The following SCRIB variants were observed in gnomAD, a reference collection of about 807,000 sequenced individuals.
SCRIB encodes the protein scribble planar cell polarity protein.
Under a neutral mutation model 170.0 loss-of-function variants are expected in SCRIB, and 72 were observed. The ratio of observed to expected loss-of-function variants is 0.42; its 90% CI spans 0.35 to 0.52. SCRIB has a LOEUF of 0.52. SCRIB is among the 20% of genes least tolerant of loss of function. The probability of loss-of-function intolerance (pLI) is 0.02; values close to 1 mark genes in which losing one functional copy is unlikely to be tolerated. For synonymous variants in SCRIB, 1,298 were observed against 1,044.3 expected (o/e 1.24, Z -4.68); for missense variants, 2,475 against 2,338.5 (o/e 1.06, Z -1.20).
rs1554632669 is a variant in SCRIB at position 143,791,655 on chromosome 8, A to C, written c.4770+11T>G. ...GGGTGGCAGGCATGCAGAGGCCTGGAGGCCAGGTACCTGGATGTCATAGAC... is the reference window on the plus strand; with the variant it reads ...GGGTGGCAGGCATGCAGAGGCCTGGCGGCCAGGTACCTGGATGTCATAGAC... On this transcript the variant is annotated intron_variant, in intron 35 of 36. Transcript: ENST00000356994. The C allele has an allele frequency of 1.2e-6, 2 of 1,601,486 alleles. No homozygotes were observed.
intron 17 of SCRIB, 59 bp from the exon 18 acceptor site, chr8:143,806,543 T>C: frequency 2.1e-6 from 3 of 1,406,628 alleles, no homozygotes; most frequent in Non-Finnish European, 2.9e-6. Context: ...TTCCTGCTCC[T>C]TCTGCAGAAG....
Position 143,809,583 on chromosome 8 carries a change from C to A in SCRIB, c.1666G>T (p.Gly556Trp), listed in dbSNP as rs148934748. The A allele has an allele frequency of 2.5e-6, 4 of 1,611,424 alleles. No individual in the cohort carries two copies. In the African/African-American group the frequency reaches 5.3e-5, roughly 22 times the overall value. Residue 556 changes from glycine (G) to tryptophan (W), a missense_variant, in exon 14 of 37, where the codon GGG becomes TGG. Physicochemically the swap from Gly to Trp is radical, Grantham distance 184 (BLOSUM62 -2). This residue lies in a region of SCRIB where 1,966 missense variants were observed against 1,742.9 expected (regional missense o/e 1.13). Coordinates refer to ENST00000356994, the MANE Select transcript of SCRIB (RefSeq NM_182706.5). ...TAGTCCTCTTCGGCGTCTTCCTCCC[C>A]GCCAGCAGTCGTGGCTTCCTGCTGG... ...GSQQEATTAG[G>W]EEDAEEDYQE...
chr8:143,811,617 C>T (rs1018556808), intron 9 of SCRIB, among the ~76,000 whole-genome samples: 3 of 152,156 alleles, frequency 2.0e-5, no homozygotes, highest in African/African-American at 7.2e-5. Flanking sequence ...CCCATGGGTG[C>T]CCTGGACTGA....
chr8:143,805,474 G>A lies in SCRIB; in HGVS notation c.2347-39C>T, dbSNP rs782769371. Reference sequence around the variant, plus strand: ...ACCACGTGCGTATTCAGGACCCAGTGCCGCCACAGACAGCCACGTGCTGGG... The same window carrying A: ...ACCACGTGCGTATTCAGGACCCAGTACCGCCACAGACAGCCACGTGCTGGG... On this transcript the variant is annotated intron_variant, in intron 18 of 36. Coordinates refer to ENST00000356994, the MANE Select transcript of SCRIB (RefSeq NM_182706.5). The A allele has an allele frequency of 1.1e-5, 16 of 1,441,340 alleles. No homozygotes were observed. The South Asian group carries it at 1.4e-4, about 13-fold the overall frequency. The allele number at this position is 1,441,340 out of a possible 1,614,324, so 89.3% of individuals were successfully genotyped here.
At chr8:143,801,068 G>A (rs1554634897) in intron 24 of SCRIB, among the ~76,000 whole-genome samples, 1 of 152,242 alleles carries the variant, frequency 6.6e-6, no homozygotes, top group Non-Finnish European at 1.5e-5. Context: ...TAAATGCGTG[G>A]CATTGGCCCA....
Position 143,809,556 on chromosome 8 carries a change from G to A in SCRIB, c.1693C>T (p.Gln565Ter). The A allele has an allele frequency of 6.2e-7, 1 of 1,610,662 alleles. No individual in the cohort carries two copies. The highest frequency in any genetic ancestry group is 8.5e-7 in the Non-Finnish European group (1 of 1,179,480). The change falls in exon 14 of 37, where the codon CAG becomes TAG. Residue 565 changes from glutamine to a stop codon, truncating the protein, a stop_gained. Transcript: ENST00000356994. LOFTEE classifies it high-confidence loss of function. The stretch of plus-strand genomic sequence containing the variant: ...TCCTTCCTGCCAATCCACACCTCCT[G>A]GTAGTCCTCTTCGGCGTCTTCCTCC... ...GGEEDAEEDY[Q>*]EPTVHFAEDA...
rs200647155 is a variant in SCRIB at position 143,805,371 on chromosome 8, C to G, written c.2411G>C (p.Gly804Ala). 6.5e-7 allele frequency: 1 copy of G among 1,548,108 alleles called. No individual in the cohort carries two copies. The highest frequency in any genetic ancestry group is 8.7e-7 in the Non-Finnish European group (1 of 1,152,880). The change falls in exon 19 of 37, where the codon GGC (glycine) becomes GCC (alanine). Residue 804 changes from glycine to alanine, a missense_variant. By Grantham distance (60) the Gly-to-Ala change is moderately conservative. This residue lies in a region of SCRIB where 1,966 missense variants were observed against 1,742.9 expected (regional missense o/e 1.13). Transcript: ENST00000356994. Reference sequence around the variant, plus strand: ...CCACACTCGCATCTGCACGGCAGTGCCGGCCCCCCGGAGCGCCTCCACGGC... The same window carrying G: ...CCACACTCGCATCTGCACGGCAGTGGCGGCCCCCCGGAGCGCCTCCACGGC... ...HEAVEALRGA[G>A]TAVQMRVWRE...
At chr8:143,801,677 G>A (rs1554635006) in intron 24 of SCRIB, among the ~76,000 whole-genome samples, 1 of 152,208 alleles carries the variant, frequency 6.6e-6, no homozygotes, top group Non-Finnish European at 1.5e-5. Context: ...CGGACAGCGA[G>A]CCCCCGGGAA....
At chr8:143,807,457 G>C in intron 16 of SCRIB, 95 bp downstream of exon 16, 1 of 1,007,346 alleles carries the variant, frequency 9.9e-7, no homozygotes, top group Non-Finnish European at 1.6e-6. Context: ...AGGGATCTGC[G>C]CTCAAGCAAC....
At position 143,804,777 on chromosome 8, in the gene SCRIB, G is replaced by A. The variant is rs1349332576; in HGVS notation, c.2800C>T (p.Leu934=). The change falls in exon 21 of 37, where the codon CTG becomes TTG. Residue 934 remains leucine (L), a synonymous_variant. Transcript: ENST00000356994. ...ATGGTGGGGGAGGCAGCGGTCAGCAGGGAGACGGCGTGGTCATGCCTGGCC... is the reference window on the plus strand; with the variant it reads ...ATGGTGGGGGAGGCAGCGGTCAGCAAGGAGACGGCGTGGTCATGCCTGGCC... ...TEARHDHAVS[L]LTAASPTIAL... is the part of the protein sequence containing the mutation. The A allele has an allele frequency of 6.2e-7, 1 of 1,602,096 alleles. No homozygotes were observed. Among genetic ancestry groups the A allele is most frequent in the Non-Finnish European group, 8.5e-7 (1 of 1,177,088 alleles).
rs1218771696 is a variant in SCRIB at position 143,792,819 on chromosome 8, C to T, written c.4066G>A (p.Glu1356Lys). 6.5e-6 allele frequency: 10 copies of T among 1,550,138 alleles called. No homozygotes were observed. Among genetic ancestry groups the T allele is most frequent in the African/African-American group, 1.4e-5 (1 of 73,458 alleles). ...AASPEQLSFR[E>K]RQKYFELEVR... Reference sequence around the variant, plus strand: ...TCCAGCTCAAAGTACTTCTGCCGCTCCCGGAAGGACAGCTGCTCCGGGGAG... The same window carrying T: ...TCCAGCTCAAAGTACTTCTGCCGCTTCCGGAAGGACAGCTGCTCCGGGGAG... The change falls in exon 30 of 37, where the codon GAG (glutamate) becomes AAG (lysine). Residue 1356 changes from glutamate to lysine, a missense_variant. Glu to Lys is a moderately conservative substitution (Grantham distance 56, BLOSUM62 1). Coordinates refer to ENST00000356994, the MANE Select transcript of SCRIB (RefSeq NM_182706.5).
In SCRIB at chr8:143,791,052, T is replaced by G. The variant is rs988594934; in HGVS notation, c.*111A>C. Reference sequence around the variant, plus strand: ...CAGTTAGTTAGTCACAGGCCAGAACTCCTGTGGGGTCTCTTTAAAATGCTA... The same window carrying G: ...CAGTTAGTTAGTCACAGGCCAGAACGCCTGTGGGGTCTCTTTAAAATGCTA... On this transcript the variant is annotated 3_prime_UTR_variant, in exon 37 of 37. Transcript: ENST00000356994. 1.1e-5 allele frequency: 13 copies of G among 1,178,330 alleles called. No individual in the cohort carries two copies. Among genetic ancestry groups the G allele is most frequent in the Non-Finnish European group, 1.3e-5 (12 of 918,876 alleles). The allele number at this position is 1,178,330 out of a possible 1,614,324, so 73.0% of individuals were successfully genotyped here.
chr8:143,804,682 G>A lies in SCRIB; in HGVS notation c.2895C>T (p.Pro965=). ...PPSPLPHSSP[P]TAAVATTSIT... is the part of the protein sequence containing the mutation. Reference sequence around the variant, plus strand: ...TGCTGGTGGTGGCAACAGCAGCGGTGGGGGGTGAGGAATGTGGCAGAGGGC... The same window carrying A: ...TGCTGGTGGTGGCAACAGCAGCGGTAGGGGGTGAGGAATGTGGCAGAGGGC... The change falls in exon 21 of 37, where the codon CCC becomes CCT. Residue 965 remains proline (P), a synonymous_variant. Transcript: ENST00000356994. 7.0e-6 allele frequency: 11 copies of A among 1,560,716 alleles called. No homozygotes were observed. The highest frequency in any genetic ancestry group is 8.7e-6 in the Non-Finnish European group (10 of 1,149,790).
At chr8:143,811,426 C>A in intron 9 of SCRIB, 81 bp from the exon 10 acceptor site, 1 of 1,285,858 alleles carries the variant, frequency 7.8e-7, no homozygotes, top group East Asian at 2.4e-5. Context: ...CAGGAGGGCA[C>A]AGACACCCCA....
At chr8:143,804,255 G>T in intron 21 of SCRIB, 99 bp from the exon 22 acceptor site, 1 of 910,560 alleles carries the variant, frequency 1.1e-6, no homozygotes, top group Non-Finnish European at 1.7e-6. Flanking sequence ...GGGATGGCGG[G>T]CGGGGGCTGC....
chr8:143,793,563 G>A (rs781977848), intron 28 of SCRIB: 3 of 351,558 alleles, frequency 8.5e-6, no homozygotes, highest in African/African-American at 4.1e-5. Flanking sequence ...TGCCAACAGT[G>A]GGGGGGCAAG....
At position 143,792,528 on chromosome 8, in the gene SCRIB, C is replaced by G; in HGVS notation, c.4285G>C (p.Glu1429Gln). The change falls in exon 31 of 37, where the codon GAG becomes CAG. Residue 1429 changes from glutamate (E) to glutamine (Q), a missense_variant. Physicochemically the swap from Glu to Gln is conservative, Grantham distance 29 (BLOSUM62 2). Transcript: ENST00000356994. ...DGETLGEEEQEDEQPPWASPS... is the reference protein window; with the variant it reads ...DGETLGEEEQQDEQPPWASPS... ...CTGGCCCAGGGTGGCTGCTCATCCT[C>G]CTGTTCCTCCTCGCCCAGCGTCTCC... 6.4e-7 allele frequency: 1 copy of G among 1,556,992 alleles called. No homozygotes were observed. The highest frequency in any genetic ancestry group is 8.6e-7 in the Non-Finnish European group (1 of 1,158,168).
Position 143,804,644 on chromosome 8 carries a change from G to T in SCRIB, c.2933C>A (p.Thr978Asn). 1.3e-6 allele frequency: 2 copies of T among 1,537,620 alleles called. No homozygotes were observed. Reference protein sequence around the residue: ...AVATTSITTATPGVPGLPSLA... With the variant: ...AVATTSITTANPGVPGLPSLA... Reference sequence around the variant, plus strand: ...GCTCGGCAACCCAGGCACCCCGGGGGTGGCAGTGGTTATGCTGGTGGTGGC... The same window carrying T: ...GCTCGGCAACCCAGGCACCCCGGGGTTGGCAGTGGTTATGCTGGTGGTGGC... Residue 978 changes from threonine (T) to asparagine (N), a missense_variant, in exon 21 of 37, where the codon ACC becomes AAC. Coordinates refer to ENST00000356994, the MANE Select transcript of SCRIB (RefSeq NM_182706.5).
Position 143,791,671 on chromosome 8 carries a change from TGTCATA to T in SCRIB, c.4759_4764del (p.Tyr1587_Asp1588del), listed in dbSNP as rs1563785717. On this transcript the variant is annotated inframe_deletion, in exon 35 of 37. Coordinates refer to ENST00000356994, the MANE Select transcript of SCRIB (RefSeq NM_182706.5). ...GAGGCCTGGAGGCCAGGTACCTGGATGTCATAGACAGGTCTGGAAGAAGGCAGGGCC... is the reference window on the plus strand; with the variant it reads ...GAGGCCTGGAGGCCAGGTACCTGGATGACAGGTCTGGAAGAAGGCAGGGCC... 2 of 1,604,700 alleles carry T rather than the reference TGTCATA, an allele frequency of 1.2e-6. No homozygotes were observed. Among genetic ancestry groups the T allele is most frequent in the Non-Finnish European group, 1.7e-6 (2 of 1,173,336 alleles).
Sources: gnomAD v4.1 joint callset for allele counts (sites outside exome capture counted in the v4.1 genomes callset) on GRCh38, gnomAD v4.1.1 for gene constraint, gnomAD v4.1.1 regional missense constraint, MANE v1.5 for transcripts, NCBI Gene and HGNC (gene_info 2026-07-23, HGNC 2026-07-21) for gene names.